Variants in SMCHD1 observed in about 807,000 individuals in gnomAD.
SMCHD1 encodes structural maintenance of chromosomes flexible hinge domain containing 1, also known as structural maintenance of chromosomes flexible hinge domain-containing protein 1.
A neutral mutation model predicts 254.7 loss-of-function variants in SMCHD1; 78 were observed. The observed-to-expected ratio is 0.31, with a 90% confidence interval of 0.26 to 0.37. The LOEUF (loss-of-function observed/expected upper bound fraction) is 0.37, where lower values mean the gene tolerates loss of function less well. SMCHD1 is among the 10% of genes least tolerant of loss of function. The pLI is 1.00. For missense variants in SMCHD1, 1,840 were observed against 2,408.1 expected, an observed-to-expected ratio of 0.76 and a Z score of 4.94; for synonymous variants, 766 against 794.9, an observed-to-expected ratio of 0.96 and a Z score of 0.61.
At chr18:2,657,652 T>A (rs978925357) in intron 1 of SMCHD1, among the ~76,000 whole-genome samples, 6 of 152,208 alleles carry the variant, frequency 3.9e-5, no homozygotes, top group Non-Finnish European at 7.3e-5. Flanking sequence ...CACTCCATTT[T>A]TTAAATTACT....
chr18:2,673,491 A>G (rs2073666217), intron 4 of SMCHD1, 128 bp downstream of exon 4: 2 of 744,630 alleles, frequency 2.7e-6, no homozygotes, highest in South Asian at 3.0e-5. Flanking sequence ...CTCTTCATCC[A>G]TTGTTAAAAT....
chr18:2,670,036 A>T (rs2073552989), intron 3 of SMCHD1, among the ~76,000 whole-genome samples: 1 of 152,186 alleles, frequency 6.6e-6, no homozygotes, highest in African/African-American at 2.4e-5. Flanking sequence ...TACACTAACT[A>T]GTAGTTACTG....
intron 9 of SMCHD1, among the ~76,000 whole-genome samples, chr18:2,697,484 T>C (rs2074309375): frequency 6.6e-6 from 1 of 152,216 alleles, no homozygotes. Flanking sequence ...AGCATTTGAG[T>C]ATTGGATTCT....
At chr18:2,665,996 T>C (rs1382875301) in intron 1 of SMCHD1, among the ~76,000 whole-genome samples, 161 bp from the exon 2 acceptor site, 2 of 152,254 alleles carry the variant, frequency 1.3e-5, no homozygotes, top group African/African-American at 4.8e-5. Context: ...CTATTAATTA[T>C]GCAAAGGCAA....
rs1001245366 is a variant in SMCHD1 at position 2,771,709 on chromosome 18, ATTG to A, written c.5052+97_5052+99del. ...TCAGTTTTTATTAGGAATTCTGAGT[ATTG>A]TTGTTTTAGGGTACAAAGACGTGCA... On this transcript the variant is annotated intron_variant, in intron 40 of 47. Coordinates refer to ENST00000320876, the MANE Select transcript of SMCHD1 (RefSeq NM_015295.3). 187 of 1,052,910 alleles carry A rather than the reference ATTG, an allele frequency of 1.8e-4. 3 individuals are homozygous for A. The highest frequency in any genetic ancestry group is 1.7e-3 in the African/African-American group (102 of 59,992). 65.2% of individuals were successfully genotyped at this position (1,052,910 alleles called of 1,614,324 possible).
intron 44 of SMCHD1, 25 bp from the exon 45 acceptor site, chr18:2,784,425 C>T: frequency 7.0e-6 from 11 of 1,573,440 alleles, no homozygotes; most frequent in Non-Finnish European, 9.5e-6. Context: ...TTGCTCACTA[C>T]TTACTATTCA....
Position 2,785,732 on chromosome 18 carries a change from G to A in SMCHD1, c.5719+1111G>A, listed in dbSNP as rs147317297. 6.1e-3 allele frequency among the ~76,000 whole-genome samples: 882 copies of A among 145,576 alleles called. 14 individuals are homozygous for A. Among genetic ancestry groups the A allele is most frequent in the African/African-American group, 0.021 (839 of 40,234 alleles). The stretch of plus-strand genomic sequence containing the variant: ...TCATTCTATCTCCAGAACTGTTTTC[G>A]GTATGCACAGTTGAAACTTTGTATA... On this transcript the variant is annotated intron_variant, in intron 45 of 47. Coordinates refer to ENST00000320876, the MANE Select transcript of SMCHD1 (RefSeq NM_015295.3).
chr18:2,730,446 A>T (rs2075116239), intron 24 of SMCHD1, among the ~76,000 whole-genome samples: 1 of 152,198 alleles, frequency 6.6e-6, no homozygotes, highest in Non-Finnish European at 1.5e-5. Flanking sequence ...CTGGGATTAC[A>T]GGCGTGAGCC....
In SMCHD1 at chr18:2,803,356, G is replaced by C. The variant is rs1271526773; in HGVS notation, c.*804G>C. ...TGTAATTTTTTATTACTATTTTTAA[G>C]GGGTTAAAGAGAACATACATTCTCA... On this transcript the variant is annotated 3_prime_UTR_variant, in exon 48 of 48. Transcript: ENST00000320876. 6.6e-6 allele frequency: 1 copy of C among 151,222 alleles called. No homozygotes were observed. Among genetic ancestry groups the C allele is most frequent in the Non-Finnish European group, 1.5e-5 (1 of 67,774 alleles). The allele number at this position is 151,222 out of a possible 1,614,324, so 9.4% of individuals were successfully genotyped here.
intron 37 of SMCHD1, 77 bp from the exon 38 acceptor site, chr18:2,769,617 T>A: frequency 6.9e-7 from 1 of 1,445,272 alleles, no homozygotes; most frequent in Admixed American, 2.2e-5. Flanking sequence ...AACAGCATAA[T>A]GAGTTATGTA....
chr18:2,673,907 AG>A (rs2073678634), intron 4 of SMCHD1, 107 bp from the exon 5 acceptor site: 1 of 1,064,164 alleles, frequency 9.4e-7, no homozygotes, highest in African/African-American at 1.6e-5. Context: ...CACTTCCATC[AG>A]TAATGTATAA....
Position 2,724,911 on chromosome 18 carries a change from A to T in SMCHD1, c.2616A>T (p.Leu872Phe), listed in dbSNP as rs1405635744. Residue 872 changes from leucine to phenylalanine, a missense_variant, in exon 21 of 48, where the codon TTA (leucine) becomes TTT (phenylalanine). Transcript: ENST00000320876. ...QPVLEASGLS[L>F]HYEEITKGPN... ...TTTTTTTCCCCAGTGGTTTATCTTT[A>T]CATTATGAAGAAATAACCAAAGGAC... 1.3e-6 allele frequency: 2 copies of T among 1,578,202 alleles called. No homozygotes were observed. The highest frequency in any genetic ancestry group is 2.3e-5 in the East Asian group (1 of 44,210).
chr18:2,707,140 CAG>C (rs2074535071), intron 15 of SMCHD1, among the ~76,000 whole-genome samples: 3 of 152,126 alleles, frequency 2.0e-5, no homozygotes, highest in Admixed American at 1.3e-4. Context: ...GATGGGGACA[CAG>C]AGCCAAACCT....
chr18:2,684,999 T>A (rs890395619), intron 5 of SMCHD1, among the ~76,000 whole-genome samples: 1 of 151,842 alleles, frequency 6.6e-6, no homozygotes, highest in African/African-American at 2.4e-5. Flanking sequence ...CTCTCCTTAA[T>A]GTAAAAAGGC....
At chr18:2,735,236 T>G (rs1290410542) in intron 25 of SMCHD1, among the ~76,000 whole-genome samples, 1 of 152,084 alleles carries the variant, frequency 6.6e-6, no homozygotes, top group Non-Finnish European at 1.5e-5. Context: ...TTTGATAAAA[T>G]CCAACATCCC....
At chr18:2,708,607 GA>G (rs1470839835) in intron 17 of SMCHD1, among the ~76,000 whole-genome samples, 3 of 68,320 alleles carry the variant, frequency 4.4e-5, no homozygotes, top group African/African-American at 1.6e-4. Context: ...CACCTTTCAT[GA>G]CCTTCCTGCT....
chr18:2,723,905 T>A (rs904427305), intron 20 of SMCHD1, among the ~76,000 whole-genome samples: 1 of 152,102 alleles, frequency 6.6e-6, no homozygotes. Context: ...TTTTTCTATT[T>A]GTGTTTTACG....
At chr18:2,784,670 T>G in intron 45 of SMCHD1, 49 bp downstream of exon 45, 1 of 1,474,144 alleles carries the variant, frequency 6.8e-7, no homozygotes, top group South Asian at 1.4e-5. Flanking sequence ...AATTTTACTC[T>G]TATTTTTCTA....
intron 7 of SMCHD1, among the ~76,000 whole-genome samples, chr18:2,694,113 T>G (rs1299974691): frequency 6.6e-6 from 1 of 152,216 alleles, no homozygotes; most frequent in Non-Finnish European, 1.5e-5. Context: ...CAGCCTGCCC[T>G]GTAGTTTTCT....
Sources: allele counts gnomAD v4.1 joint callset (sites outside exome capture counted in the v4.1 genomes callset), GRCh38; gene constraint gnomAD v4.1.1; transcripts MANE v1.5; gene names NCBI Gene and HGNC (gene_info 2026-07-23, HGNC 2026-07-21).